The following NOP53 variants were observed in gnomAD, a reference collection of about 807,000 sequenced individuals.
NOP53 encodes NOP53 ribosome biogenesis factor.
Under a neutral mutation model 61.0 loss-of-function variants are expected in NOP53, and 40 were observed. The ratio of observed to expected loss-of-function variants is 0.66; its 90% CI spans 0.51 to 0.85. The LOEUF is 0.85. Ranked by LOEUF, NOP53 falls within the 40% of genes least tolerant of loss-of-function variation. The pLI is 0.00. For synonymous variants in NOP53, 308 were observed against 289.5 expected (o/e 1.06, Z -0.65); for missense variants, 689 against 652.9 (o/e 1.06, Z -0.60).
chr19:47,745,769 G>C lies in NOP53; in HGVS notation c.210G>C (p.Gln70His). The change falls in exon 1 of 13, where the codon CAG (glutamine) becomes CAC (histidine). Residue 70 changes from glutamine (Q) to histidine (H), a missense_variant. By Grantham distance (24) the Gln-to-His change is conservative. Transcript: ENST00000246802. Reference protein sequence around the residue: ...VDQFLEDVRLQERTSGGLLSE... With the variant: ...VDQFLEDVRLHERTSGGLLSE... ...AGTTCCTGGAAGACGTGCGGCTACA[G>C]GAGCGCACGAGCGGGTACGTTGGGC... The C allele has an allele frequency of 6.4e-7, 1 of 1,568,380 alleles. No individual in the cohort carries two copies. Among genetic ancestry groups the C allele is most frequent in the Non-Finnish European group, 8.6e-7 (1 of 1,158,096 alleles).
chr19:47,751,000 A>G lies in NOP53; in HGVS notation c.491A>G (p.Glu164Gly). The G allele has an allele frequency of 4.4e-6, 7 of 1,596,016 alleles. No homozygotes were observed. The highest frequency in any genetic ancestry group is 6.0e-6 in the Non-Finnish European group (7 of 1,172,368). The change falls in exon 4 of 13, where the codon GAG becomes GGG. Residue 164 changes from glutamate (E) to glycine (G), a missense_variant. By Grantham distance (98) the Glu-to-Gly change is moderately conservative. Coordinates refer to ENST00000246802, the MANE Select transcript of NOP53 (RefSeq NM_015710.5). ...KLAKQGELPR[E>G]VRRAQARLLN... ...GCCAAGCAGGGCGAGCTGCCCCGGG[A>G]GGTGCGCAGGGCCCAGGCCCGGCTC...
rs375753664 is a variant in NOP53, at chr19:47,752,522, G to T, written c.680G>T (p.Arg227Leu). Residue 227 changes from arginine to leucine, a missense_variant, in exon 6 of 13, where the codon CGC becomes CTC. Physicochemically the swap from Arg to Leu is moderately radical, Grantham distance 102 (BLOSUM62 -2). Transcript: ENST00000246802. ...TKKKGVKRPA[R>L]LHTKPSQAPA... ...GCCTTTTCTCCACAGCGGCCAGCACGCCTGCACACCAAGCCGTCCCAGGCA... is the reference window on the plus strand; with the variant it reads ...GCCTTTTCTCCACAGCGGCCAGCACTCCTGCACACCAAGCCGTCCCAGGCA... The T allele has an allele frequency of 1.2e-6, 2 of 1,602,578 alleles. No homozygotes were observed. The highest frequency in any genetic ancestry group is 1.3e-5 in the African/African-American group (1 of 74,886).
intron 10 of NOP53, 196 bp downstream of exon 10, chr19:47,756,018 G>C: frequency 1.7e-6 from 1 of 593,580 alleles, no homozygotes; most frequent in East Asian, 2.8e-5. Flanking sequence ...TTGAGTCCGG[G>C]ACCCTAAGAA....
rs1196830641 is a variant in NOP53, at chr19:47,755,353, A to G, written c.1059A>G (p.Val353=). Residue 353 remains valine, a synonymous_variant, in exon 9 of 13, where the codon GTA becomes GTG. Transcript: ENST00000246802. ...RREKAVHRLR[V]QQAALRAARL... Reference sequence around the variant, plus strand: ...ACCCTCCCCCGTCTCCACAGCGGGTACAGCAGGCCGCGTTGCGGGCCGCCC... The same window carrying G: ...ACCCTCCCCCGTCTCCACAGCGGGTGCAGCAGGCCGCGTTGCGGGCCGCCC... The G allele has an allele frequency of 4.0e-6, 6 of 1,511,042 alleles. No individual in the cohort carries two copies. Among genetic ancestry groups the G allele is most frequent in the Non-Finnish European group, 5.3e-6 (6 of 1,136,910 alleles). The allele number at this position is 1,511,042 out of a possible 1,614,324, so 93.6% of individuals were successfully genotyped here. A position where few individuals can be genotyped will look rare whatever the true frequency, so the allele number is the denominator to read the frequency against.
rs776036516 is a variant in NOP53, at chr19:47,745,708, G to T, written c.149G>T (p.Arg50Leu). The change falls in exon 1 of 13, where the codon CGG becomes CTG. Residue 50 changes from arginine to leucine, a missense_variant. Coordinates refer to ENST00000246802, the MANE Select transcript of NOP53 (RefSeq NM_015710.5). ...GPRNKKRGWRRLAQEPLGLEV... is the reference protein window; with the variant it reads ...GPRNKKRGWRLLAQEPLGLEV... Reference sequence around the variant, plus strand: ...AGAAATAAGAAGCGGGGCTGGCGGCGGCTTGCTCAGGAGCCGCTGGGGCTG... The same window carrying T: ...AGAAATAAGAAGCGGGGCTGGCGGCTGCTTGCTCAGGAGCCGCTGGGGCTG... 4.7e-5 allele frequency: 75 copies of T among 1,611,600 alleles called. No individual in the cohort carries two copies. Among genetic ancestry groups the T allele is most frequent in the Non-Finnish European group, 6.4e-5 (75 of 1,179,110 alleles).
At chr19:47,746,388 G>A (rs999324637) in intron 1 of NOP53, 1 of 151,580 alleles carries the variant, frequency 6.6e-6, no homozygotes, top group Non-Finnish European at 1.5e-5. Flanking sequence ...TTTTGAGACG[G>A]AGTCTTTCTC....
intron 5 of NOP53, 118 bp from the exon 6 acceptor site, chr19:47,752,394 T>G: frequency 1.5e-6 from 1 of 667,344 alleles, no homozygotes. Context: ...GAATGCCCCT[T>G]GAGCTCTTCC....
At chr19:47,746,839 C>A in intron 1 of NOP53, 128 bp from the exon 2 acceptor site, 1 of 731,774 alleles carries the variant, frequency 1.4e-6, no homozygotes. Context: ...AACTGCTGGG[C>A]GAAGCCTTAG....
In NOP53 at chr19:47,754,948, C is replaced by A; in HGVS notation, c.1053+57C>A. On this transcript the variant is annotated intron_variant, in intron 8 of 12. Transcript: ENST00000246802. The surrounding 1 kb of genome is among the most constrained non-coding windows in gnomAD (Gnocchi z 4.2). ...GATGCCTCGCCCCCTTCCTTCCTTC[C>A]TCCCACCATGGGCTGCCCTGGGTGC... The A allele has an allele frequency of 7.0e-7, 1 of 1,429,662 alleles. No homozygotes were observed. Among genetic ancestry groups the A allele is most frequent in the Non-Finnish European group, 9.2e-7 (1 of 1,088,028 alleles). 88.6% of individuals were successfully genotyped at this position (1,429,662 alleles called of 1,614,324 possible).
At chr19:47,753,557 A>C (rs987100244) in intron 6 of NOP53, 2 of 152,146 alleles carry the variant, frequency 1.3e-5, no homozygotes, top group Non-Finnish European at 1.5e-5. Context: ...TTCAGCATTC[A>C]TAAGAAGGAG....
chr19:47,756,964 C>T, intron 12 of NOP53, 35 bp from the exon 13 acceptor site: 3 of 1,613,900 alleles, frequency 1.9e-6, no homozygotes, highest in Non-Finnish European at 2.5e-6. Context: ...GGGGCACCCT[C>T]TCACCCACCC....
intron 2 of NOP53, 85 bp downstream of exon 2, chr19:47,747,116 G>A: frequency 9.0e-7 from 1 of 1,116,966 alleles, no homozygotes; most frequent in Non-Finnish European, 1.3e-6. Flanking sequence ...TGTTAATGAT[G>A]TGGCTTGGAA....
In NOP53 at chr19:47,750,938, G is replaced by C. The variant is rs757145124; in HGVS notation, c.429G>C (p.Lys143Asn). ...TCGCCCACCAGGTCCCCAACGCCAA[G>C]AAGCTCAGGCGGAAGGAGCAGCTAT... ...DVLAHQVPNA[K>N]KLRRKEQLWE... Residue 143 changes from lysine to asparagine, a missense_variant, in exon 4 of 13, where the codon AAG (lysine) becomes AAC (asparagine). Lys to Asn is a moderately conservative substitution (Grantham distance 94, BLOSUM62 0). Coordinates refer to ENST00000246802, the MANE Select transcript of NOP53 (RefSeq NM_015710.5). 1 of 1,597,278 alleles carries C rather than the reference G, an allele frequency of 6.3e-7. No individual in the cohort carries two copies. Among genetic ancestry groups the C allele is most frequent in the South Asian group, 1.1e-5 (1 of 88,146 alleles).
At chr19:47,753,647 G>C (rs1481911023) in intron 6 of NOP53, 1 of 152,226 alleles carries the variant, frequency 6.6e-6, no homozygotes, top group Non-Finnish European at 1.5e-5. Context: ...TGTGCTCATG[G>C]TTGAAAGCGT....
At chr19:47,747,984 T>G (rs1203264349) in intron 2 of NOP53, among the ~76,000 whole-genome samples, 1 of 151,924 alleles carries the variant, frequency 6.6e-6, no homozygotes, top group South Asian at 2.1e-4. Context: ...TTCTCTATGT[T>G]GGTCAGGCTG....
Position 47,756,538 on chromosome 19 carries a change from A to G in NOP53, c.1307A>G (p.Asn436Ser), listed in dbSNP as rs1455443350. Reference sequence around the variant, plus strand: ...CTCTCTGTCCTGTAGCCCGAGGGCAACATCCTTCGAGACCGGTTCAAGAGC... The same window carrying G: ...CTCTCTGTCCTGTAGCCCGAGGGCAGCATCCTTCGAGACCGGTTCAAGAGC... Reference protein sequence around the residue: ...DSLRTLKPEGNILRDRFKSFQ... With the variant: ...DSLRTLKPEGSILRDRFKSFQ... The change falls in exon 11 of 13, where the codon AAC (asparagine) becomes AGC (serine). Residue 436 changes from asparagine to serine, a missense_variant. Asn to Ser is a conservative substitution (Grantham distance 46). Transcript: ENST00000246802. The G allele has an allele frequency of 5.0e-6, 8 of 1,613,780 alleles. No individual in the cohort carries two copies. Among genetic ancestry groups the G allele is most frequent in the Non-Finnish European group, 6.8e-6 (8 of 1,179,892 alleles).
intron 10 of NOP53, chr19:47,756,035 T>A: frequency 1.7e-6 from 1 of 583,092 alleles, no homozygotes; most frequent in Non-Finnish European, 3.1e-6. Context: ...AGAAGGCCTT[T>A]CCTTCCAGCT....
chr19:47,747,153 CCTT>C, intron 2 of NOP53, 122 bp downstream of exon 2: 1 of 755,268 alleles, frequency 1.3e-6, no homozygotes, highest in Non-Finnish European at 2.2e-6. Context: ...AACAGGTCAA[CCTT>C]AATATAAACA....
In NOP53 at chr19:47,752,493, C is replaced by T. The variant is rs755359742; in HGVS notation, c.670-19C>T. 8.5e-6 allele frequency: 13 copies of T among 1,528,306 alleles called. No individual in the cohort carries two copies. The highest frequency in any genetic ancestry group is 1.7e-4 in the Middle Eastern group (1 of 5,830). 94.7% of individuals were successfully genotyped at this position (1,528,306 alleles called of 1,614,324 possible). On this transcript the variant is annotated intron_variant, in intron 5 of 12. Transcript: ENST00000246802. ...GCCCCAACGCACGGCCTTACCCTGC[C>T]TCGGCCTTTTCTCCACAGCGGCCAG...
Sources: gnomAD v4.1 joint callset for allele counts (sites outside exome capture counted in the v4.1 genomes callset) on GRCh38, gnomAD v4.1.1 for gene constraint, Gnocchi (gnomAD v3.1) non-coding constraint, MANE v1.5 for transcripts, NCBI Gene and HGNC (gene_info 2026-07-23, HGNC 2026-07-21) for gene names.